UBXN2B: variants seen among roughly 807,000 people sequenced by gnomAD.
UBXN2B encodes the protein UBX domain protein 2B.
In UBXN2B, 19 loss-of-function variants were observed where a neutral mutation model predicts 37.5. The ratio of observed to expected loss-of-function variants is 0.51; its 90% CI spans 0.35 to 0.74. The LOEUF (loss-of-function observed/expected upper bound fraction) is 0.74, where lower values mean the gene tolerates loss of function less well. UBXN2B is among the 30% of genes least tolerant of loss of function. UBXN2B has a pLI of 0.01. For synonymous variants in UBXN2B, 145 were observed against 143.8 expected (o/e 1.01, Z -0.06); for missense variants, 370 against 393.2 (o/e 0.94, Z 0.50).
chr8:58,433,359 T>G, intron 4 of UBXN2B, 116 bp downstream of exon 4: 1 of 808,628 alleles, frequency 1.2e-6, no homozygotes, highest in South Asian at 2.0e-5. Context: ...TTTTAAAACA[T>G]GGGTTAAAAG....
At chr8:58,440,527 G>A (rs903429470) in intron 6 of UBXN2B, among the ~76,000 whole-genome samples, 1 of 152,200 alleles carries the variant, frequency 6.6e-6, no homozygotes, top group African/African-American at 2.4e-5. Context: ...ATGGCAGAAT[G>A]TATGAGTGGT....
chr8:58,425,916 CAGAG>C (rs1808071093), intron 2 of UBXN2B: 1 of 1,260,120 alleles, frequency 7.9e-7, no homozygotes, highest in Middle Eastern at 2.1e-4. Flanking sequence ...CTGGTGCGCA[CAGAG>C]AGAACAAAAT....
chr8:58,449,005 TC>T lies in UBXN2B; in HGVS notation c.*1456del, dbSNP rs1199885712. On this transcript the variant is annotated 3_prime_UTR_variant, in exon 8 of 8. Coordinates refer to ENST00000399598, the MANE Select transcript of UBXN2B (RefSeq NM_001077619.2). ...TTGTCATTCCACCTTCTACAGGACA[TC>T]CTCATTCCTTGGCTTGTGACCTCCT... The T allele has an allele frequency of 3.9e-5, 6 of 152,210 alleles. No homozygotes were observed. Among genetic ancestry groups the T allele is most frequent in the African/African-American group, 1.4e-4 (6 of 41,442 alleles). 9.4% of individuals were successfully genotyped at this position (152,210 alleles called of 1,614,324 possible).
chr8:58,412,749 C>T (rs2129603549), intron 1 of UBXN2B, among the ~76,000 whole-genome samples: 2 of 152,310 alleles, frequency 1.3e-5, no homozygotes, highest in Middle Eastern at 6.8e-3. Flanking sequence ...AATGTCTTAA[C>T]CTGTCTGATC....
At chr8:58,420,742 C>A (rs1453443030) in intron 2 of UBXN2B, among the ~76,000 whole-genome samples, 1 of 152,114 alleles carries the variant, frequency 6.6e-6, no homozygotes, top group African/African-American at 2.4e-5. Context: ...AGTTATATGA[C>A]CCACTAAAAC....
intron 6 of UBXN2B, among the ~76,000 whole-genome samples, chr8:58,444,020 A>G (rs1808614168): frequency 6.6e-6 from 1 of 152,122 alleles, no homozygotes; most frequent in Admixed American, 6.5e-5. Flanking sequence ...TTATTATTCC[A>G]TATACAATAG....
intron 7 of UBXN2B, among the ~76,000 whole-genome samples, chr8:58,446,279 A>C (rs1808665566): frequency 6.6e-6 from 1 of 152,244 alleles, no homozygotes; most frequent in Non-Finnish European, 1.5e-5. Context: ...TCTATAAACT[A>C]TCCAAATACT....
chr8:58,421,881 A>G lies in UBXN2B; in HGVS notation c.188+4928A>G, dbSNP rs187123829. Among the ~76,000 whole-genome samples, 4 of 152,374 alleles carry G rather than the reference A, an allele frequency of 2.6e-5. No individual in the cohort carries two copies. In the East Asian group the frequency reaches 5.8e-4, roughly 22 times the overall value. On this transcript the variant is annotated intron_variant, in intron 2 of 7. Transcript: ENST00000399598. ...GTGGAGGGAAATCTAAATGAAATCA[A>G]TATAACAAACAAAGCTAGCCAAGAT...
intron 3 of UBXN2B, among the ~76,000 whole-genome samples, chr8:58,431,740 T>A (rs1808281260): frequency 6.6e-6 from 1 of 152,234 alleles, no homozygotes. Context: ...TCACTATTTT[T>A]AATTTTAGCC....
At chr8:58,442,771 G>T (rs1432473390) in intron 6 of UBXN2B, among the ~76,000 whole-genome samples, 2 of 152,150 alleles carry the variant, frequency 1.3e-5, no homozygotes, top group Non-Finnish European at 2.9e-5. Flanking sequence ...TAGCGAGTAG[G>T]CATTCTTGGT....
chr8:58,423,444 T>G (rs73246940), intron 2 of UBXN2B, among the ~76,000 whole-genome samples: 34,091 of 150,088 alleles, frequency 0.23, 4,074 homozygotes, highest in Middle Eastern at 0.31. Context: ...TGTTGTTGTT[T>G]TTTTTTTTTG....
intron 7 of UBXN2B, 47 bp downstream of exon 7, chr8:58,446,115 G>T: frequency 6.6e-7 from 1 of 1,524,502 alleles, no homozygotes; most frequent in Non-Finnish European, 8.8e-7. Flanking sequence ...ATATACACTG[G>T]ATTGCTTATC....
intron 3 of UBXN2B, among the ~76,000 whole-genome samples, chr8:58,431,207 G>C (rs1808264008): frequency 6.6e-6 from 1 of 152,192 alleles, no homozygotes; most frequent in South Asian, 2.1e-4. Context: ...AAACCAGCCG[G>C]GTGTGGTGGC....
chr8:58,439,492 C>G lies in UBXN2B; in HGVS notation c.534-141C>G, dbSNP rs915820841. ...AAAAGATCTACAAGGACTGATCAGT[C>G]ATTATGGAAATTTTTGTGTTATAAT... On this transcript the variant is annotated intron_variant, in intron 5 of 7. Coordinates refer to ENST00000399598, the MANE Select transcript of UBXN2B (RefSeq NM_001077619.2). 25 of 985,776 alleles carry G rather than the reference C, an allele frequency of 2.5e-5. 1 individual carries two copies. Among genetic ancestry groups the G allele is most frequent in the Non-Finnish European group, 3.6e-5 (25 of 701,684 alleles). 61.1% of individuals were successfully genotyped at this position (985,776 alleles called of 1,614,324 possible).
chr8:58,444,144 C>T (rs576425072), intron 6 of UBXN2B, among the ~76,000 whole-genome samples: 5 of 152,194 alleles, frequency 3.3e-5, no homozygotes, highest in African/African-American at 1.2e-4. Context: ...CAGTAGATTA[C>T]AAAAATAATA....
intron 2 of UBXN2B, among the ~76,000 whole-genome samples, chr8:58,419,744 A>G (rs1433958068): frequency 6.6e-6 from 1 of 152,222 alleles, no homozygotes; most frequent in Non-Finnish European, 1.5e-5. Context: ...AGAGTCACAT[A>G]ATCAAAATGA....
intron 4 of UBXN2B, 84 bp downstream of exon 4, chr8:58,433,327 A>C (rs1808330935): frequency 1.8e-6 from 2 of 1,112,416 alleles, no homozygotes; most frequent in Admixed American, 2.3e-5. Flanking sequence ...AGAATTGATA[A>C]TACAAATATA....
intron 3 of UBXN2B, among the ~76,000 whole-genome samples, chr8:58,431,273 G>T (rs1200558938): frequency 6.6e-6 from 1 of 152,154 alleles, no homozygotes; most frequent in African/African-American, 2.4e-5. Flanking sequence ...CACAGTTCAA[G>T]ACCAGCCTGG....
chr8:58,436,374 C>T (rs1377818374), intron 5 of UBXN2B, among the ~76,000 whole-genome samples: 1 of 152,200 alleles, frequency 6.6e-6, no homozygotes, highest in African/African-American at 2.4e-5. Flanking sequence ...TAGGATCAGA[C>T]AGTATTATCC....
Sources: gnomAD v4.1 joint callset for allele counts (sites outside exome capture counted in the v4.1 genomes callset) on GRCh38, gnomAD v4.1.1 for gene constraint, MANE v1.5 for transcripts, NCBI Gene and HGNC (gene_info 2026-07-23, HGNC 2026-07-21) for gene names.